Variants in BAZ2B observed in about 807,000 individuals in gnomAD.
BAZ2B encodes the protein bromodomain adjacent to zinc finger domain protein 2B.
BAZ2B carries 91 observed loss-of-function variants against 246.0 expected under a neutral mutation model. The observed-to-expected ratio is 0.37, with a 90% CI of 0.31 to 0.44. The LOEUF is 0.44. Ranked by LOEUF, BAZ2B falls within the 20% of genes least tolerant of loss-of-function variation. The pLI is 1.00. For synonymous variants in BAZ2B, 855 were observed against 860.0 expected (o/e 0.99, Z 0.10); for missense variants, 2,332 against 2,533.7 (o/e 0.92, Z 1.71).
chr2:159,563,245 A>T (rs2090052607), intron 1 of BAZ2B, among the ~76,000 whole-genome samples: 1 of 152,130 alleles, frequency 6.6e-6, no homozygotes, highest in Non-Finnish European at 1.5e-5. Context: ...CACAAACAAA[A>T]AATTTGGTCT....
chr2:159,480,454 G>A (rs1340874247), intron 2 of BAZ2B, among the ~76,000 whole-genome samples: 1 of 152,068 alleles, frequency 6.6e-6, no homozygotes, highest in African/African-American at 2.4e-5. Flanking sequence ...CAGGACTAAA[G>A]TAAGGAAAAT....
chr2:159,501,180 ATATT>A (rs1380316584), intron 2 of BAZ2B, among the ~76,000 whole-genome samples: 2 of 106,418 alleles, frequency 1.9e-5, no homozygotes, highest in African/African-American at 7.3e-5. Context: ...TATATTATAT[ATATT>A]TATATATAAT....
At chr2:159,577,333 T>C (rs976047653) in intron 1 of BAZ2B, among the ~76,000 whole-genome samples, 4 of 152,240 alleles carry the variant, frequency 2.6e-5, no homozygotes, top group African/African-American at 9.6e-5. Flanking sequence ...AATGTGTGTG[T>C]ATATTTACAG....
intron 34 of BAZ2B, among the ~76,000 whole-genome samples, chr2:159,331,900 T>C (rs748442127): frequency 5.9e-5 from 9 of 151,920 alleles, no homozygotes; most frequent in Non-Finnish European, 1.3e-4. Flanking sequence ...AGAGCAACAG[T>C]GAAAAGTCTT....
At chr2:159,406,034 G>A (rs531927126) in intron 14 of BAZ2B, among the ~76,000 whole-genome samples, 1 of 152,202 alleles carries the variant, frequency 6.6e-6, no homozygotes, top group South Asian at 2.1e-4. Flanking sequence ...ATGAAACTAG[G>A]GTAGATGAAC....
intron 1 of BAZ2B, among the ~76,000 whole-genome samples, chr2:159,613,216 C>G (rs932536126): frequency 6.6e-6 from 1 of 151,952 alleles, no homozygotes; most frequent in Non-Finnish European, 1.5e-5. Context: ...ATAAATGATG[C>G]CAGCAGTATT....
the BAZ2B span, among the ~76,000 whole-genome samples, chr2:159,627,462 T>C: frequency 6.6e-6 from 1 of 152,070 alleles, no homozygotes. Context: ...TCAAAAAGCT[T>C]ATCCACCACG....
At chr2:159,664,983 G>A in the BAZ2B span, among the ~76,000 whole-genome samples, 8 of 151,278 alleles carry the variant, frequency 5.3e-5, no homozygotes, top group Non-Finnish European at 1.2e-4. Context: ...TCCTTAAGCT[G>A]ATAAGCAACT....
chr2:159,612,220 C>A (rs1578951800), intron 1 of BAZ2B, among the ~76,000 whole-genome samples: 1 of 152,066 alleles, frequency 6.6e-6, no homozygotes, highest in South Asian at 2.1e-4. Context: ...ATAATTATTT[C>A]TTTTCTTTTG....
At chr2:159,565,354 G>C (rs2090282769) in intron 1 of BAZ2B, among the ~76,000 whole-genome samples, 1 of 152,216 alleles carries the variant, frequency 6.6e-6, no homozygotes, top group Admixed American at 6.5e-5. Flanking sequence ...TAGAGGGGGA[G>C]TGGAGTCTTC....
intron 2 of BAZ2B, among the ~76,000 whole-genome samples, chr2:159,530,467 C>A (rs1432767826): frequency 6.6e-6 from 1 of 151,946 alleles, no homozygotes; most frequent in Non-Finnish European, 1.5e-5. Context: ...TCTATAAAAC[C>A]CTTAAATATT....
intron 1 of BAZ2B, among the ~76,000 whole-genome samples, chr2:159,603,179 T>C (rs745740960): frequency 3.3e-5 from 5 of 152,172 alleles, no homozygotes; most frequent in Admixed American, 6.5e-5. Context: ...TGCCCTAAGA[T>C]TGGATAAATT....
chr2:159,481,246 T>C (rs2079191581), intron 2 of BAZ2B, among the ~76,000 whole-genome samples: 1 of 152,024 alleles, frequency 6.6e-6, no homozygotes, highest in Admixed American at 6.6e-5. Flanking sequence ...GGCCATCAAC[T>C]TGATAGTTAA....
At chr2:159,527,855 G>A (rs974394772) in intron 2 of BAZ2B, among the ~76,000 whole-genome samples, 1 of 152,148 alleles carries the variant, frequency 6.6e-6, no homozygotes, top group African/African-American at 2.4e-5. Context: ...GACTTACCCA[G>A]GAAGAGCTTG....
intron 6 of BAZ2B, among the ~76,000 whole-genome samples, chr2:159,440,638 C>T (rs1209659508): frequency 6.6e-6 from 1 of 151,592 alleles, no homozygotes; most frequent in African/African-American, 2.4e-5. Flanking sequence ...GCCTCAGTTT[C>T]CTGAGTAGCT....
chr2:159,453,340 AC>A (rs141443214), intron 4 of BAZ2B, among the ~76,000 whole-genome samples: 2,336 of 152,292 alleles, frequency 0.015, 66 homozygotes, highest in East Asian at 0.091. Flanking sequence ...CAACAAAAAA[AC>A]ATGAGAAAAA....
chr2:159,400,765 G>A (rs2064874617), intron 16 of BAZ2B, 101 bp from the exon 17 acceptor site: 2 of 682,432 alleles, frequency 2.9e-6, no homozygotes, highest in South Asian at 3.5e-5. Context: ...TACAGGTCAG[G>A]CGCAGTGGCT....
intron 2 of BAZ2B, among the ~76,000 whole-genome samples, chr2:159,495,519 T>C (rs950161783): frequency 6.6e-5 from 9 of 136,088 alleles, no homozygotes; most frequent in Non-Finnish European, 1.4e-4. Context: ...AAAAAAAATT[T>C]AATATGAAAA....
intron 2 of BAZ2B, among the ~76,000 whole-genome samples, chr2:159,509,926 T>C (rs1179505095): frequency 6.6e-6 from 1 of 152,026 alleles, no homozygotes; most frequent in African/African-American, 2.4e-5. Context: ...TGTACATTTG[T>C]ATGTATATAT....
Sources: allele counts gnomAD v4.1 joint callset (sites outside exome capture counted in the v4.1 genomes callset), GRCh38; gene constraint gnomAD v4.1.1; transcripts MANE v1.5; gene names NCBI Gene and HGNC (gene_info 2026-07-23, HGNC 2026-07-21).